GRM4: variants seen among roughly 807,000 people sequenced by gnomAD.
The protein encoded by GRM4 is glutamate metabotropic receptor 4, also known as metabotropic glutamate receptor 4.
GRM4 carries 28 observed loss-of-function variants against 81.7 expected under a neutral mutation model. That is an observed-to-expected ratio of 0.34 (90% CI 0.25 to 0.47). The LOEUF (loss-of-function observed/expected upper bound fraction) is 0.47. GRM4 is among the 20% of genes least tolerant of loss of function. The pLI is 1.00. For synonymous variants in GRM4, 488 were observed against 528.8 expected, an observed-to-expected ratio of 0.92 and a Z score of 1.06; for missense variants, 948 against 1,290.0, an observed-to-expected ratio of 0.73 and a Z score of 4.06.
At chr6:34,043,253 G>A (rs1765102223) in intron 6 of GRM4, among the ~76,000 whole-genome samples, 1 of 152,188 alleles carries the variant, frequency 6.6e-6, no homozygotes, top group African/African-American at 2.4e-5. Flanking sequence ...CAGACAGGAT[G>A]AACACAAAAG....
chr6:34,050,771 C>G (rs147024903), intron 6 of GRM4, among the ~76,000 whole-genome samples: 8 of 152,202 alleles, frequency 5.3e-5, no homozygotes, highest in African/African-American at 1.9e-4. Flanking sequence ...CACAGTTAGG[C>G]CTTTTCTGGA....
chr6:34,070,125 G>A lies in GRM4; in HGVS notation c.737-8097C>T, dbSNP rs985745467. 1.3e-5 allele frequency among the ~76,000 whole-genome samples: 2 copies of A among 152,212 alleles called. No homozygotes were observed. The highest frequency in any genetic ancestry group is 2.4e-5 in the African/African-American group (1 of 41,538). On this transcript the variant is annotated intron_variant, in intron 3 of 10. Coordinates refer to ENST00000538487, the MANE Select transcript of GRM4 (RefSeq NM_000841.4). The surrounding 1 kb of genome is among the most constrained non-coding windows in gnomAD (Gnocchi z 4.6). ...CTGTAGGAGTTGGAGGTGAACACTCGCACCTGCTCACACGCTCCCATCCCC... is the reference window on the plus strand; with the variant it reads ...CTGTAGGAGTTGGAGGTGAACACTCACACCTGCTCACACGCTCCCATCCCC...
chr6:34,109,013 ATTATCACCC>A (rs1242204360), intron 2 of GRM4, among the ~76,000 whole-genome samples: 12 of 152,132 alleles, frequency 7.9e-5, no homozygotes, highest in African/African-American at 2.9e-4. Context: ...CCCAGTAGGA[ATTATCACCC>A]GCCACTCGGG....
At chr6:34,044,465 C>CAT (rs146589771) in intron 6 of GRM4, among the ~76,000 whole-genome samples, 36,054 of 144,948 alleles carry the variant, frequency 0.25, 5,550 homozygotes, top group African/African-American at 0.41. Context: ...GACACACACA[C>CAT]AGACATACAT....
At chr6:34,023,832 G>A (rs1435436557) in intron 10 of GRM4, among the ~76,000 whole-genome samples, 1 of 152,224 alleles carries the variant, frequency 6.6e-6, no homozygotes, top group African/African-American at 2.4e-5. Context: ...GAGGGGTGAG[G>A]GGCCTGGCCA....
In GRM4 at chr6:34,048,321, G is replaced by T. The variant is rs1335896424; in HGVS notation, c.1169-7573C>A. 1.3e-5 allele frequency among the ~76,000 whole-genome samples: 2 copies of T among 152,164 alleles called. No individual in the cohort carries two copies. The highest frequency in any genetic ancestry group is 4.8e-5 in the African/African-American group (2 of 41,432). ...GAAGTAAAGCTGGCACCTGGGACTA[G>T]GCAAGGAGAGTCACACCTGGCGCCT... On this transcript the variant is annotated intron_variant, in intron 6 of 10. Coordinates refer to ENST00000538487, the MANE Select transcript of GRM4 (RefSeq NM_000841.4). This position sits in a 1 kb window ranked among gnomAD's most constrained non-coding sequence, Gnocchi z 4.0.
At chr6:34,058,869 G>T in intron 5 of GRM4, 105 bp downstream of exon 5, 1 of 870,570 alleles carries the variant, frequency 1.1e-6, no homozygotes. Context: ...AAGAGAAAAG[G>T]AAGGATATGG....
intron 1 of GRM4, among the ~76,000 whole-genome samples, chr6:34,141,943 G>A (rs549757914): frequency 6.6e-6 from 1 of 152,328 alleles, no homozygotes; most frequent in East Asian, 1.9e-4. Flanking sequence ...TACACAGAGA[G>A]AGGAGAGACA....
intron 1 of GRM4, among the ~76,000 whole-genome samples, chr6:34,142,651 C>A (rs1411341971): frequency 6.6e-6 from 1 of 152,198 alleles, no homozygotes; most frequent in East Asian, 1.9e-4. Context: ...GAACCCGGCC[C>A]CCTGACCCTT....
Position 34,036,094 on chromosome 6 carries a change from G to A in GRM4, c.2016C>T (p.Thr672=), listed in dbSNP as rs755730086. 1.9e-6 allele frequency: 3 copies of A among 1,614,208 alleles called. No individual in the cohort carries two copies. The highest frequency in any genetic ancestry group is 1.6e-4 in the Middle Eastern group (1 of 6,062). ...GMSISYAALL[T]KTNRIYRIFE... is the part of the protein sequence containing the mutation. ...AGATGCGGTAGATGCGGTTGGTCTT[G>A]GTGAGCAGGGCTGCATAGCTGATGC... The change falls in exon 9 of 11, where the codon ACC becomes ACT. Residue 672 remains threonine, a synonymous_variant. Coordinates refer to ENST00000538487, the MANE Select transcript of GRM4 (RefSeq NM_000841.4). This position sits in a 1 kb window ranked among gnomAD's most constrained non-coding sequence, Gnocchi z 9.0.
intron 5 of GRM4, among the ~76,000 whole-genome samples, chr6:34,057,149 C>T (rs1405885248): frequency 6.6e-6 from 1 of 152,174 alleles, no homozygotes; most frequent in Non-Finnish European, 1.5e-5. Flanking sequence ...ACATCCAGGA[C>T]GTCCCCATCA....
intron 2 of GRM4, among the ~76,000 whole-genome samples, chr6:34,128,490 G>T (rs1473150068): frequency 6.7e-6 from 1 of 149,562 alleles, no homozygotes; most frequent in Admixed American, 6.8e-5. Context: ...CGATTCATCT[G>T]CCTCAGCCTC....
rs1369815464 is a variant in GRM4, at chr6:34,021,728, C to T, written c.*1093G>A. 1.3e-5 allele frequency: 2 copies of T among 152,586 alleles called. No individual in the cohort carries two copies. Among genetic ancestry groups the T allele is most frequent in the Non-Finnish European group, 2.9e-5 (2 of 68,184 alleles). The allele number at this position is 152,586 out of a possible 1,614,324, so 9.5% of individuals were successfully genotyped here. A position where few individuals can be genotyped will look rare whatever the true frequency, so the allele number is the denominator to read the frequency against. On this transcript the variant is annotated 3_prime_UTR_variant, in exon 11 of 11. Coordinates refer to ENST00000538487, the MANE Select transcript of GRM4 (RefSeq NM_000841.4). This position sits in a 1 kb window ranked among gnomAD's most constrained non-coding sequence, Gnocchi z 5.3. ...TAGATCCCAGCCTAGGGAGCAGTCT[C>T]CACAGCCCCCAAGCCCTGGGTCTCC... is the stretch of plus-strand genomic sequence containing the variant.
At chr6:34,066,362 GAAT>G (rs2127465001) in intron 3 of GRM4, among the ~76,000 whole-genome samples, 1 of 152,238 alleles carries the variant, frequency 6.6e-6, no homozygotes, top group South Asian at 2.1e-4. Context: ...GAGTTAAGAT[GAAT>G]AACAGTTCTC....
chr6:34,042,184 T>C lies in GRM4; in HGVS notation c.1169-1436A>G, dbSNP rs1765046601. On this transcript the variant is annotated intron_variant, in intron 6 of 10. Coordinates refer to ENST00000538487, the MANE Select transcript of GRM4 (RefSeq NM_000841.4). This position sits in a 1 kb window ranked among gnomAD's most constrained non-coding sequence, Gnocchi z 4.2. ...AGGAGGCTGAGGCACAAGGATCACATGAACCCGGGAGGCGGAGCTTGCAGT... is the reference window on the plus strand; with the variant it reads ...AGGAGGCTGAGGCACAAGGATCACACGAACCCGGGAGGCGGAGCTTGCAGT... 6.6e-6 allele frequency among the ~76,000 whole-genome samples: 1 copy of C among 152,214 alleles called. No individual in the cohort carries two copies. Among genetic ancestry groups the C allele is most frequent in the African/African-American group, 2.4e-5 (1 of 41,464 alleles).
chr6:34,094,633 G>A (rs533103489), intron 2 of GRM4, among the ~76,000 whole-genome samples: 2 of 152,148 alleles, frequency 1.3e-5, no homozygotes, highest in Non-Finnish European at 2.9e-5. Context: ...TTCTTTGCTG[G>A]GGGGAGGTCC....
intron 2 of GRM4, among the ~76,000 whole-genome samples, chr6:34,105,272 G>A (rs1287934104): frequency 1.3e-5 from 2 of 152,140 alleles, no homozygotes; most frequent in Non-Finnish European, 2.9e-5. Flanking sequence ...TGGGGCTCTG[G>A]GGGCTTCCAC....
intron 6 of GRM4, chr6:34,055,383 C>T (rs549623313): frequency 6.6e-6 from 1 of 152,288 alleles, no homozygotes; most frequent in Non-Finnish European, 1.5e-5. Context: ...TTCTCTGGGT[C>T]CCCAGTGGTC....
upstream of GRM4, among the ~76,000 whole-genome samples, chr6:34,149,567 G>A (rs1581746337): frequency 6.6e-6 from 1 of 152,328 alleles, no homozygotes; most frequent in South Asian, 2.1e-4. Context: ...CCTGGGGTAA[G>A]TTGTCCCTGT....
Sources: gnomAD v4.1 joint callset for allele counts (sites outside exome capture counted in the v4.1 genomes callset) on GRCh38, gnomAD v4.1.1 for gene constraint, Gnocchi (gnomAD v3.1) non-coding constraint, MANE v1.5 for transcripts, NCBI Gene and HGNC (gene_info 2026-07-23, HGNC 2026-07-21) for gene names.